WDFY4: variants seen among roughly 807,000 people sequenced by gnomAD.
The protein encoded by WDFY4 is WDFY family member 4.
Under a neutral mutation model 351.9 loss-of-function variants are expected in WDFY4, and 169 were observed. That is an observed-to-expected ratio of 0.48 (90% CI 0.42 to 0.55). WDFY4 has a LOEUF of 0.55. Ranked by LOEUF, WDFY4 falls within the 20% of genes least tolerant of loss-of-function variation. WDFY4 has a pLI of 0.00. For missense variants in WDFY4, 3,803 were observed against 3,935.6 expected (o/e 0.97, Z 0.90); for synonymous variants, 1,622 against 1,574.6 (o/e 1.03, Z -0.71).
intron 34 of WDFY4, among the ~76,000 whole-genome samples, chr10:48,821,496 A>G (rs1465756212): frequency 6.6e-6 from 1 of 152,218 alleles, no homozygotes; most frequent in South Asian, 2.1e-4. Context: ...CCAAGATACC[A>G]CAATTTAACC....
In WDFY4 at chr10:48,830,713, C is replaced by G; in HGVS notation, c.6354C>G (p.Ile2118Met). Reference protein sequence around the residue: ...LPSLSDVQHNIQKTVQTLWQQ... With the variant: ...LPSLSDVQHNMQKTVQTLWQQ... ...TCTCTCTGCTAGTCCAACACAACAT[C>G]CAGAAGACAGTGCAGACTCTCTGGC... Residue 2118 changes from isoleucine to methionine, a missense_variant, in exon 38 of 62, where the codon ATC (isoleucine) becomes ATG (methionine). Around this residue, in one of 3 missense-constraint regions of WDFY4, gnomAD observed 3,054 missense variants for 3,148.6 expected, o/e 0.97. Coordinates refer to ENST00000325239, the MANE Select transcript of WDFY4 (RefSeq NM_001394531.1). 6.4e-7 allele frequency: 1 copy of G among 1,551,406 alleles called. No individual in the cohort carries two copies. Among genetic ancestry groups the G allele is most frequent in the Non-Finnish European group, 8.7e-7 (1 of 1,146,928 alleles).
chr10:48,868,927 C>T (rs147975490), intron 40 of WDFY4, among the ~76,000 whole-genome samples: 1 of 152,238 alleles, frequency 6.6e-6, no homozygotes, highest in East Asian at 1.9e-4. Flanking sequence ...ATCCAGCCAC[C>T]TGAAAGGTTA....
At chr10:48,942,210 C>T (rs931915114) in intron 48 of WDFY4, among the ~76,000 whole-genome samples, 2 of 152,142 alleles carry the variant, frequency 1.3e-5, no homozygotes, top group African/African-American at 4.8e-5. Flanking sequence ...GGCGATCCAC[C>T]CACCTCAGCC....
chr10:48,711,132 T>A (rs1329412255), intron 2 of WDFY4, among the ~76,000 whole-genome samples: 1 of 152,236 alleles, frequency 6.6e-6, no homozygotes, highest in Non-Finnish European at 1.5e-5. Flanking sequence ...TCTAACTTAT[T>A]CATCAGAAAT....
At chr10:48,744,763 G>A (rs987783398) in intron 12 of WDFY4, among the ~76,000 whole-genome samples, 1 of 152,146 alleles carries the variant, frequency 6.6e-6, no homozygotes, top group Non-Finnish European at 1.5e-5. Flanking sequence ...ACTTCTGTTT[G>A]TTCTTGAATT....
At chr10:48,970,387 G>C in intron 57 of WDFY4, 98 bp downstream of exon 57, 2 of 1,458,084 alleles carry the variant, frequency 1.4e-6, no homozygotes, top group African/African-American at 2.8e-5. Flanking sequence ...CAGGTGTGGT[G>C]CCGGAACACA....
intron 59 of WDFY4, among the ~76,000 whole-genome samples, chr10:48,977,827 A>G (rs1344235462): frequency 6.6e-6 from 1 of 152,236 alleles, no homozygotes; most frequent in African/African-American, 2.4e-5. Context: ...TTGGTGATAT[A>G]AAATCCAGAC....
chr10:48,913,439 A>C (rs769123912), intron 47 of WDFY4: 1 of 1,612,824 alleles, frequency 6.2e-7, no homozygotes, highest in Non-Finnish European at 8.5e-7. Context: ...GTGAGATCAG[A>C]TTGGGAAAGA....
chr10:48,736,854 G>A (rs946176861), intron 11 of WDFY4, among the ~76,000 whole-genome samples: 1 of 152,200 alleles, frequency 6.6e-6, no homozygotes, highest in African/African-American at 2.4e-5. Flanking sequence ...GAAGCAAAAG[G>A]CAGTCAGAGG....
At position 48,970,097 on chromosome 10, in the gene WDFY4, C is replaced by G. The variant is rs998997539; in HGVS notation, c.8770-34C>G. ...TCCTGGGCTCCTGTCCCTGCTGTCTCCACAGCAGCGCTCATCCCCCTTATC... is the reference window on the plus strand; with the variant it reads ...TCCTGGGCTCCTGTCCCTGCTGTCTGCACAGCAGCGCTCATCCCCCTTATC... On this transcript the variant is annotated intron_variant, in intron 56 of 61. Transcript: ENST00000325239. The G allele has an allele frequency of 1.3e-5, 20 of 1,547,776 alleles. No homozygotes were observed. In the African/African-American group the frequency reaches 2.7e-4, roughly 21 times the overall value.
intron 47 of WDFY4, among the ~76,000 whole-genome samples, chr10:48,902,230 G>T (rs928509236): frequency 6.6e-6 from 1 of 152,230 alleles, no homozygotes; most frequent in African/African-American, 2.4e-5. Context: ...CCTGTGATGA[G>T]GGTTTCTGAA....
At chr10:48,760,152 G>A (rs145575115) in intron 12 of WDFY4, among the ~76,000 whole-genome samples, 195 bp from the exon 13 acceptor site, 1,725 of 152,296 alleles carry the variant, frequency 0.011, 16 homozygotes, top group Middle Eastern at 0.054. Flanking sequence ...TGACTGTAGG[G>A]GGAAAGTGTG....
At chr10:48,913,154 T>C (rs909469369) in intron 47 of WDFY4, among the ~76,000 whole-genome samples, 2 of 152,212 alleles carry the variant, frequency 1.3e-5, no homozygotes, top group Admixed American at 1.3e-4. Flanking sequence ...TGACTCACTG[T>C]GCCTGTACTT....
chr10:48,733,185 A>T (rs1486920668), intron 9 of WDFY4, among the ~76,000 whole-genome samples: 1 of 152,158 alleles, frequency 6.6e-6, no homozygotes, highest in African/African-American at 2.4e-5. Context: ...CACTCCTAGG[A>T]GAAATTAAAC....
intron 12 of WDFY4, among the ~76,000 whole-genome samples, chr10:48,760,072 G>A (rs1427784582): frequency 1.3e-5 from 2 of 152,110 alleles, no homozygotes; most frequent in Non-Finnish European, 2.9e-5. Flanking sequence ...AAGAAAACCA[G>A]GGAACTAACT....
intron 51 of WDFY4, among the ~76,000 whole-genome samples, chr10:48,953,494 C>T (rs924205577): frequency 1.3e-5 from 2 of 152,234 alleles, no homozygotes; most frequent in Non-Finnish European, 2.9e-5. Context: ...AGCCAGTCTG[C>T]TTCTGAAGCC....
At chr10:48,788,953 A>G (rs2066587158) in intron 21 of WDFY4, among the ~76,000 whole-genome samples, 1 of 152,264 alleles carries the variant, frequency 6.6e-6, no homozygotes, top group Non-Finnish European at 1.5e-5. Flanking sequence ...GCAACATTGA[A>G]AACACTATTG....
chr10:48,778,701 C>G lies in WDFY4; in HGVS notation c.3266C>G (p.Pro1089Arg), dbSNP rs1040912258. Residue 1089 changes from proline to arginine, a missense_variant, in exon 18 of 62, where the codon CCG becomes CGG. Pro to Arg is a moderately radical substitution (Grantham distance 103, BLOSUM62 -2). Around this residue, in one of 3 missense-constraint regions of WDFY4, gnomAD observed 3,054 missense variants for 3,148.6 expected, o/e 0.97. Transcript: ENST00000325239. Reference sequence around the variant, plus strand: ...CATGGAGCTGCCACTGAGGGCCACCCGCTGCGCTTCCTGACGTTGGTGCGC... The same window carrying G: ...CATGGAGCTGCCACTGAGGGCCACCGGCTGCGCTTCCTGACGTTGGTGCGC... ...SRHGAATEGH[P>R]LRFLTLVRHL... is the part of the protein sequence containing the mutation. 3 of 1,551,560 alleles carry G rather than the reference C, an allele frequency of 1.9e-6. No homozygotes were observed. The highest frequency in any genetic ancestry group is 2.7e-5 in the African/African-American group (2 of 73,060).
chr10:48,812,190 G>GTTTTTTTTTTTT (rs199764757), intron 30 of WDFY4, among the ~76,000 whole-genome samples: 2 of 137,532 alleles, frequency 1.5e-5, no homozygotes, highest in African/African-American at 3.0e-5. Context: ...TTTTTTTTTT[G>GTTTTTTTTTTTT]TTTTTTTTGT....
Sources: allele counts gnomAD v4.1 joint callset (sites outside exome capture counted in the v4.1 genomes callset), GRCh38; gene constraint gnomAD v4.1.1; regional missense constraint gnomAD v4.1.1; transcripts MANE v1.5; gene names NCBI Gene and HGNC (gene_info 2026-07-23, HGNC 2026-07-21).